The following CDH20 variants were observed in gnomAD, a reference collection of about 807,000 sequenced individuals.
CDH20 encodes the protein cadherin 20.
In CDH20, 29 loss-of-function variants were observed where a neutral mutation model predicts 74.2. That is an observed-to-expected ratio of 0.39 (90% CI 0.29 to 0.53). The LOEUF (loss-of-function observed/expected upper bound fraction) is 0.53, where lower values mean the gene tolerates loss of function less well. Ranked by LOEUF, CDH20 falls within the 20% of genes least tolerant of loss-of-function variation. The pLI is 0.69. For missense variants in CDH20, 988 were observed against 1,048.3 expected, an observed-to-expected ratio of 0.94 and a Z score of 0.79; for synonymous variants, 469 against 405.4, an observed-to-expected ratio of 1.16 and a Z score of -1.88.
chr18:61,450,449 T>C (rs535925131), intron 1 of CDH20, among the ~76,000 whole-genome samples: 3 of 150,620 alleles, frequency 2.0e-5, no homozygotes, highest in African/African-American at 7.3e-5. Context: ...GATACCCAAC[T>C]AAAGGGAATG....
At chr18:61,439,578 G>T (rs112996374) in intron 1 of CDH20, among the ~76,000 whole-genome samples, 1,598 of 152,146 alleles carry the variant, frequency 0.011, 28 homozygotes, top group African/African-American at 0.037. Context: ...TATTAATTTA[G>T]TCTCTGATTT....
intron 6 of CDH20, among the ~76,000 whole-genome samples, chr18:61,518,951 C>G (rs1912097607): frequency 6.6e-6 from 1 of 151,168 alleles, no homozygotes; most frequent in Non-Finnish European, 1.5e-5. Context: ...CTGAAAAACA[C>G]AGCATGAGAA....
chr18:61,504,677 T>G (rs1410214111), intron 5 of CDH20, among the ~76,000 whole-genome samples: 1 of 152,012 alleles, frequency 6.6e-6, no homozygotes, highest in East Asian at 1.9e-4. Context: ...GGTGAAACAC[T>G]TAGCTAGGGA....
intron 6 of CDH20, among the ~76,000 whole-genome samples, chr18:61,514,214 T>C (rs1436351829): frequency 1.4e-4 from 21 of 151,536 alleles, no homozygotes; most frequent in Non-Finnish European, 2.2e-4. Flanking sequence ...TATTCTTTTT[T>C]CTCTAAACTT....
At chr18:61,453,821 C>T (rs764190469) in intron 1 of CDH20, among the ~76,000 whole-genome samples, 14 of 152,124 alleles carry the variant, frequency 9.2e-5, no homozygotes, top group Non-Finnish European at 1.6e-4. Flanking sequence ...GGGATAAATG[C>T]CCGAGTGCAA....
intron 1 of CDH20, among the ~76,000 whole-genome samples, chr18:61,392,555 A>C (rs1382245099): frequency 1.3e-5 from 2 of 152,052 alleles, no homozygotes; most frequent in African/African-American, 4.8e-5. Context: ...GTATTTCTAG[A>C]TTATATCATG....
intron 1 of CDH20, among the ~76,000 whole-genome samples, chr18:61,462,157 G>A (rs925082360): frequency 1.3e-5 from 2 of 152,082 alleles, no homozygotes; most frequent in Non-Finnish European, 2.9e-5. Flanking sequence ...TTTTCCTTCT[G>A]ATTGCTAAGA....
intron 1 of CDH20, among the ~76,000 whole-genome samples, chr18:61,362,124 C>T (rs1398643419): frequency 6.6e-6 from 1 of 152,166 alleles, no homozygotes; most frequent in Non-Finnish European, 1.5e-5. Context: ...AACGATTTTC[C>T]TATCTTCCCA....
intron 6 of CDH20, among the ~76,000 whole-genome samples, chr18:61,512,622 T>C (rs1911825303): frequency 6.6e-6 from 1 of 152,218 alleles, no homozygotes; most frequent in African/African-American, 2.4e-5. Context: ...CCCTACACAA[T>C]AAATCTTGTT....
intron 1 of CDH20, among the ~76,000 whole-genome samples, chr18:61,453,543 T>G (rs1363786208): frequency 6.6e-6 from 1 of 152,176 alleles, no homozygotes; most frequent in African/African-American, 2.4e-5. Context: ...CCTCCCAAAG[T>G]GCTGAGATTA....
At chr18:61,461,763 T>C (rs1031668340) in intron 1 of CDH20, among the ~76,000 whole-genome samples, 2 of 152,102 alleles carry the variant, frequency 1.3e-5, no homozygotes, top group African/African-American at 4.8e-5. Context: ...GTTACAGAAT[T>C]TTCTGGGGTC....
At chr18:61,363,795 A>G (rs1365458783) in intron 1 of CDH20, among the ~76,000 whole-genome samples, 2 of 152,336 alleles carry the variant, frequency 1.3e-5, no homozygotes, top group East Asian at 3.9e-4. Flanking sequence ...ACAGCCTTTT[A>G]TTACATCAAA....
chr18:61,503,186 G>A (rs1034093232), intron 5 of CDH20, 66 bp downstream of exon 5: 16 of 1,236,350 alleles, frequency 1.3e-5, no homozygotes, highest in South Asian at 1.9e-5. Flanking sequence ...GCAGAGGTGC[G>A]GGAGAAAGCC....
intron 1 of CDH20, among the ~76,000 whole-genome samples, chr18:61,467,270 A>T (rs1480162832): frequency 6.6e-6 from 1 of 152,148 alleles, no homozygotes; most frequent in Non-Finnish European, 1.5e-5. Context: ...TTCTCTCTGT[A>T]TTTGGAGAGG....
intron 7 of CDH20, 129 bp downstream of exon 7, chr18:61,528,349 T>C (rs1460735466): frequency 3.0e-6 from 3 of 995,772 alleles, no homozygotes; most frequent in Non-Finnish European, 4.4e-6. Context: ...CTCTTTGAGT[T>C]TTTTGTGTTG....
At chr18:61,445,585 C>T (rs1221487155) in intron 1 of CDH20, among the ~76,000 whole-genome samples, 1 of 152,156 alleles carries the variant, frequency 6.6e-6, no homozygotes, top group East Asian at 1.9e-4. Flanking sequence ...TATTCCAAGT[C>T]ACATAAGTGG....
At chr18:61,462,723 A>G (rs1215214604) in intron 1 of CDH20, among the ~76,000 whole-genome samples, 8 of 128,510 alleles carry the variant, frequency 6.2e-5, no homozygotes, top group Non-Finnish European at 9.9e-5. Flanking sequence ...CAAAAAAAAA[A>G]AGGGGGGGGG....
At position 61,554,398 on chromosome 18, in the gene CDH20, C is replaced by G. The variant is rs139351388; in HGVS notation, c.2109C>G (p.Pro703=). The change falls in exon 12 of 12, where the codon CCC becomes CCG. Residue 703 remains proline, a synonymous_variant. Coordinates refer to ENST00000262717, the MANE Select transcript of CDH20 (RefSeq NM_031891.4). The part of the protein sequence containing the change: ...AAPKTRQDML[P]EIESLSRYVP... ...CCAAGACGCGGCAGGACATGCTGCC[C>G]GAGATCGAGAGCCTCTCCCGCTACG... 2.9e-5 allele frequency: 47 copies of G among 1,612,806 alleles called. No homozygotes were observed. The African/African-American group carries it at 5.2e-4, about 18-fold the overall frequency.
chr18:61,554,608 C>G lies in CDH20; in HGVS notation c.2319C>G (p.Ser773Arg), dbSNP rs1353917183. Residue 773 changes from serine (S) to arginine (R), a missense_variant, in exon 12 of 12, where the codon AGC becomes AGG. This residue lies in a region of CDH20 where 375 missense variants were observed against 293.1 expected (regional missense o/e 1.28). Transcript: ENST00000262717. ...LQSATSDSEQ[S>R]FDFLTDWGPR... ...CGGCCACGTCGGACTCGGAACAGAG[C>G]TTCGACTTCCTGACGGACTGGGGGC... is the stretch of plus-strand genomic sequence containing the variant. 4.4e-6 allele frequency: 7 copies of G among 1,608,194 alleles called. No homozygotes were observed. The highest frequency in any genetic ancestry group is 1.7e-5 in the Admixed American group (1 of 59,720).
Sources: gnomAD v4.1 joint callset for allele counts (sites outside exome capture counted in the v4.1 genomes callset) on GRCh38, gnomAD v4.1.1 for gene constraint, gnomAD v4.1.1 regional missense constraint, MANE v1.5 for transcripts, NCBI Gene and HGNC (gene_info 2026-07-23, HGNC 2026-07-21) for gene names.